The following GRID1 variants were observed in gnomAD, a reference collection of about 807,000 sequenced individuals.
GRID1 encodes glutamate receptor ionotropic, delta-1.
A neutral mutation model predicts 98.0 loss-of-function variants in GRID1; 28 were observed. The observed-to-expected ratio is 0.29, with a 90% confidence interval of 0.21 to 0.39. GRID1 has a LOEUF of 0.39. GRID1 is among the 10% of genes least tolerant of loss of function. The pLI, the probability that GRID1 is intolerant of heterozygous loss-of-function variation, is 1.00. For missense variants in GRID1, 1,111 were observed against 1,340.5 expected, an observed-to-expected ratio of 0.83 and a Z score of 2.67; for synonymous variants, 553 against 538.5, an observed-to-expected ratio of 1.03 and a Z score of -0.37.
At chr10:85,800,441 A>T (rs1440414605) in intron 8 of GRID1, among the ~76,000 whole-genome samples, 10 of 152,074 alleles carry the variant, frequency 6.6e-5, no homozygotes, top group Admixed American at 5.9e-4. Context: ...GAAAAATTTT[A>T]AAGTACTTGT....
chr10:86,117,868 G>A (rs1299791901), intron 4 of GRID1, among the ~76,000 whole-genome samples: 1 of 152,190 alleles, frequency 6.6e-6, no homozygotes, highest in Admixed American at 6.5e-5. Flanking sequence ...ATGTAAACTA[G>A]TACCACCTCT....
intron 2 of GRID1, among the ~76,000 whole-genome samples, chr10:86,318,077 T>C (rs1847923081): frequency 6.6e-6 from 1 of 152,120 alleles, no homozygotes; most frequent in East Asian, 1.9e-4. Context: ...AGGGCTGGGC[T>C]GGGCTCCCCA....
At chr10:85,740,197 G>A (rs141558285) in intron 8 of GRID1, among the ~76,000 whole-genome samples, 217 of 152,222 alleles carry the variant, frequency 1.4e-3, no homozygotes, top group African/African-American at 4.9e-3. Flanking sequence ...CTGGAATTCT[G>A]TTTCTTCCAC....
intron 4 of GRID1, among the ~76,000 whole-genome samples, chr10:86,048,624 G>A (rs890856498): frequency 6.6e-6 from 1 of 152,190 alleles, no homozygotes; most frequent in African/African-American, 2.4e-5. Flanking sequence ...GATGCTAAAG[G>A]CCTCTCCCCT....
Position 86,366,511 on chromosome 10 carries a change from C to T in GRID1, c.-119G>A, listed in dbSNP as rs1163133736. On this transcript the variant is annotated 5_prime_UTR_variant, in exon 1 of 16. Transcript: ENST00000327946. The surrounding 1 kb of genome is among the most constrained non-coding windows in gnomAD (Gnocchi z 4.1). ...CGCTCCCCGGGAGAGCCGAGCCCGC[C>T]CGTGCGTCTTCCCCCGCGCGCCCGC... 1.2e-5 allele frequency: 6 copies of T among 499,676 alleles called. No homozygotes were observed. The highest frequency in any genetic ancestry group is 1.8e-5 in the Non-Finnish European group (6 of 332,546). The allele number at this position is 499,676 out of a possible 1,614,324, so 31.0% of individuals were successfully genotyped here.
intron 8 of GRID1, among the ~76,000 whole-genome samples, chr10:85,794,147 G>T (rs990734237): frequency 6.6e-6 from 1 of 152,118 alleles, no homozygotes; most frequent in Admixed American, 6.5e-5. Flanking sequence ...TCAATGGATT[G>T]TTTTTACCCA....
At chr10:85,729,724 T>C in intron 8 of GRID1, 110 bp from the exon 9 acceptor site, 2 of 628,100 alleles carry the variant, frequency 3.2e-6, no homozygotes, top group Middle Eastern at 3.6e-4. Context: ...TGAACAGTAG[T>C]CCCCTGGAGT....
chr10:86,084,924 G>A (rs1342948371), intron 4 of GRID1, among the ~76,000 whole-genome samples: 1 of 152,074 alleles, frequency 6.6e-6, no homozygotes, highest in Admixed American at 6.6e-5. Flanking sequence ...TTGCAGTTTG[G>A]GCTAATAAAA....
chr10:85,815,430 T>C (rs1842708095), intron 8 of GRID1, among the ~76,000 whole-genome samples: 1 of 151,780 alleles, frequency 6.6e-6, no homozygotes, highest in Admixed American at 6.6e-5. Flanking sequence ...ACAAGAAATA[T>C]AGATTGGAAA....
intron 3 of GRID1, among the ~76,000 whole-genome samples, chr10:86,163,672 T>C (rs911083055): frequency 6.6e-6 from 1 of 152,118 alleles, no homozygotes; most frequent in Non-Finnish European, 1.5e-5. Context: ...GCCCCTGCAG[T>C]TGGCCTCTGG....
In GRID1 at chr10:86,275,814, G is replaced by T. The variant is rs1847260893; in HGVS notation, c.236-69166C>A. The stretch of plus-strand genomic sequence containing the variant: ...TCAAGCAGACTAACATACTCATTAT[G>T]AGTGTTCCAGAAGGAGAAGAGAGAG... On this transcript the variant is annotated intron_variant, in intron 2 of 15. Transcript: ENST00000327946. Among the ~76,000 whole-genome samples, 4 of 152,244 alleles carry T rather than the reference G, an allele frequency of 2.6e-5. No homozygotes were observed. In the South Asian group the frequency reaches 8.3e-4, roughly 32 times the overall value.
chr10:85,977,645 T>G (rs558523020), intron 4 of GRID1, among the ~76,000 whole-genome samples: 1 of 152,340 alleles, frequency 6.6e-6, no homozygotes, highest in African/African-American at 2.4e-5. Flanking sequence ...AGTGCTCCCT[T>G]GCACTCACAC....
intron 4 of GRID1, among the ~76,000 whole-genome samples, chr10:86,085,212 T>C (rs1178662775): frequency 6.6e-6 from 1 of 152,116 alleles, no homozygotes; most frequent in African/African-American, 2.4e-5. Context: ...CCTCCAGGAA[T>C]AGCTGGAGAG....
intron 4 of GRID1, among the ~76,000 whole-genome samples, chr10:86,088,897 C>CAA (rs3057914): frequency 9.2e-5 from 13 of 141,458 alleles, no homozygotes; most frequent in Non-Finnish European, 1.5e-4. Flanking sequence ...TAGATGCAGG[C>CAA]AAAAAAAAAA....
At chr10:86,263,088 C>T (rs1034366022) in intron 2 of GRID1, among the ~76,000 whole-genome samples, 4 of 152,192 alleles carry the variant, frequency 2.6e-5, no homozygotes, top group African/African-American at 9.7e-5. Flanking sequence ...GGCCCGGGTG[C>T]TGGGGTTGCA....
chr10:86,293,931 T>C (rs1479998934), intron 2 of GRID1, among the ~76,000 whole-genome samples: 2 of 152,074 alleles, frequency 1.3e-5, no homozygotes, highest in African/African-American at 4.8e-5. Flanking sequence ...AAAATAACAA[T>C]AAGATAATAA....
intron 4 of GRID1, among the ~76,000 whole-genome samples, chr10:86,070,119 G>A (rs926067001): frequency 5.9e-5 from 9 of 152,170 alleles, no homozygotes; most frequent in African/African-American, 9.7e-5. Context: ...ATGGAAAGCC[G>A]ATAATTTATG....
chr10:86,201,319 G>A (rs1287202515), intron 3 of GRID1, among the ~76,000 whole-genome samples: 3 of 152,208 alleles, frequency 2.0e-5, no homozygotes, highest in Non-Finnish European at 4.4e-5. Flanking sequence ...ATGCAGAAGT[G>A]TTATTCCACA....
rs568394875 is a variant in GRID1, at chr10:86,233,619, TC to T, written c.236-26972del. On this transcript the variant is annotated intron_variant, in intron 2 of 15. Transcript: ENST00000327946. ...TGGTGGTGGTAGAGGAGGTCACCCCTCCTTCCCTCCAGAGGGAACAACTCTA... is the reference window on the plus strand; with the variant it reads ...TGGTGGTGGTAGAGGAGGTCACCCCTCTTCCCTCCAGAGGGAACAACTCTA... Among the ~76,000 whole-genome samples, 5 of 152,274 alleles carry T rather than the reference TC, an allele frequency of 3.3e-5. No individual in the cohort carries two copies. In the East Asian group the frequency reaches 9.7e-4, roughly 29 times the overall value.
Sources: gnomAD v4.1 joint callset for allele counts (sites outside exome capture counted in the v4.1 genomes callset) on GRCh38, gnomAD v4.1.1 for gene constraint, Gnocchi (gnomAD v3.1) non-coding constraint, MANE v1.5 for transcripts, NCBI Gene and HGNC (gene_info 2026-07-23, HGNC 2026-07-21) for gene names.